The following UGT8 variants were observed in gnomAD, a reference collection of about 807,000 sequenced individuals.
UGT8 encodes UDP glycosyltransferase 8, also known as 2-hydroxyacylsphingosine 1-beta-galactosyltransferase.
In UGT8, 12 loss-of-function variants were observed where a neutral mutation model predicts 40.5. The observed-to-expected ratio is 0.30, with a 90% CI of 0.19 to 0.48. UGT8 has a LOEUF of 0.48. Ranked by LOEUF, UGT8 falls within the 20% of genes least tolerant of loss-of-function variation. The pLI is 0.99. For synonymous variants in UGT8, 224 were observed against 240.4 expected (o/e 0.93, Z 0.63); for missense variants, 513 against 648.7 (o/e 0.79, Z 2.27).
chr4:114,674,453 A>G (rs1163633746), intron 5 of UGT8, among the ~76,000 whole-genome samples: 3 of 151,968 alleles, frequency 2.0e-5, no homozygotes, highest in Non-Finnish European at 4.4e-5. Flanking sequence ...CCATTTTTTT[A>G]GTCAGTCTCT....
intron 1 of UGT8, among the ~76,000 whole-genome samples, chr4:114,603,924 T>C (rs957060249): frequency 6.6e-6 from 1 of 152,202 alleles, no homozygotes; most frequent in Non-Finnish European, 1.5e-5. Flanking sequence ...CAGAGAGTGA[T>C]TGAAAATATA....
chr4:114,670,681 A>G (rs1735208241), intron 5 of UGT8, among the ~76,000 whole-genome samples: 1 of 152,162 alleles, frequency 6.6e-6, no homozygotes, highest in South Asian at 2.1e-4. Flanking sequence ...AATAAGAGGT[A>G]TTTATGACAA....
intron 2 of UGT8, among the ~76,000 whole-genome samples, chr4:114,626,756 G>A (rs1328596119): frequency 2.0e-5 from 3 of 152,132 alleles, no homozygotes; most frequent in African/African-American, 7.2e-5. Context: ...TGCATCTCTT[G>A]TCACTAATTT....
In UGT8 at chr4:114,615,411, T is replaced by C. The variant is rs144595588; in HGVS notation, c.-2-7468T>C. 4.1e-3 allele frequency among the ~76,000 whole-genome samples: 630 copies of C among 152,310 alleles called. 7 individuals carry two copies. The highest frequency in any genetic ancestry group is 0.015 in the African/African-American group (608 of 41,564). On this transcript the variant is annotated intron_variant, in intron 1 of 5. Coordinates refer to ENST00000310836, the MANE Select transcript of UGT8 (RefSeq NM_001128174.3). ...CAGCTCGTCCCCGTGTGCCCAAGAC[T>C]TTCCTAGTTTTAGCACTGAAAATCC... is the stretch of plus-strand genomic sequence containing the variant.
chr4:114,664,701 A>G (rs1734744805), intron 3 of UGT8, among the ~76,000 whole-genome samples: 1 of 152,342 alleles, frequency 6.6e-6, no homozygotes, highest in East Asian at 1.9e-4. Context: ...TTTGGAAGGC[A>G]TTGCCAGCAC....
At chr4:114,634,738 A>G (rs977436812) in intron 2 of UGT8, among the ~76,000 whole-genome samples, 3 of 152,246 alleles carry the variant, frequency 2.0e-5, no homozygotes, top group African/African-American at 7.2e-5. Flanking sequence ...AACCAGGTGA[A>G]TATCTAGTCC....
At chr4:114,621,590 G>C (rs768334585) in intron 1 of UGT8, among the ~76,000 whole-genome samples, 1 of 152,080 alleles carries the variant, frequency 6.6e-6, no homozygotes, top group South Asian at 2.1e-4. Flanking sequence ...TAAGAGACAC[G>C]TGCTGATATA....
chr4:114,603,978 A>G (rs80040475), intron 1 of UGT8, among the ~76,000 whole-genome samples: 277 of 152,302 alleles, frequency 1.8e-3, no homozygotes, highest in Non-Finnish European at 3.4e-3. Context: ...TTTTTTGGTT[A>G]GAGGCCAGTA....
At chr4:114,655,426 A>AGGT (rs1560699869) in intron 2 of UGT8, among the ~76,000 whole-genome samples, 1 of 152,094 alleles carries the variant, frequency 6.6e-6, no homozygotes, top group East Asian at 1.9e-4. Flanking sequence ...GGCTTATTCT[A>AGGT]GGTGGTGGTG....
chr4:114,670,933 A>G (rs898733267), intron 5 of UGT8, among the ~76,000 whole-genome samples: 2 of 152,122 alleles, frequency 1.3e-5, no homozygotes, highest in Admixed American at 1.3e-4. Context: ...CTCAGCCCCA[A>G]AATTGAACTG....
chr4:114,625,008 A>T (rs1413091507), intron 2 of UGT8, among the ~76,000 whole-genome samples: 2 of 152,130 alleles, frequency 1.3e-5, no homozygotes, highest in Non-Finnish European at 2.9e-5. Flanking sequence ...AAGGTAGCTA[A>T]AATCAGATTT....
intron 1 of UGT8, among the ~76,000 whole-genome samples, chr4:114,614,179 T>G (rs1268869932): frequency 6.6e-6 from 1 of 152,174 alleles, no homozygotes; most frequent in Non-Finnish European, 1.5e-5. Flanking sequence ...CAGATACTTG[T>G]GTTGAAGAAG....
At chr4:114,615,047 A>T (rs1731321239) in intron 1 of UGT8, among the ~76,000 whole-genome samples, 1 of 152,198 alleles carries the variant, frequency 6.6e-6, no homozygotes, top group African/African-American at 2.4e-5. Flanking sequence ...TGAAAGATAC[A>T]TGTTTAAAAC....
intron 2 of UGT8, among the ~76,000 whole-genome samples, chr4:114,663,140 T>A (rs1278321484): frequency 2.0e-5 from 3 of 152,124 alleles, no homozygotes; most frequent in Admixed American, 2.0e-4. Flanking sequence ...TACTTCTTAT[T>A]GTGCAGTACT....
chr4:114,622,616 T>G (rs1003487070), intron 1 of UGT8: 3 of 317,334 alleles, frequency 9.5e-6, no homozygotes, highest in Non-Finnish European at 1.2e-5. Flanking sequence ...CCTGACTTTT[T>G]AATGATTGCC....
At chr4:114,667,699 A>G (rs1734975812) in intron 4 of UGT8, 1 of 200,314 alleles carries the variant, frequency 5.0e-6, no homozygotes, top group South Asian at 1.8e-4. Context: ...TTTGACTTTA[A>G]TATTGATAAA....
intron 2 of UGT8, among the ~76,000 whole-genome samples, chr4:114,624,656 AGATTT>A (rs1384521196): frequency 6.6e-6 from 1 of 152,214 alleles, no homozygotes; most frequent in East Asian, 1.9e-4. Context: ...GAGTAAATCC[AGATTT>A]TCTCGTATAG....
intron 1 of UGT8, chr4:114,622,421 G>C (rs1731868131): frequency 6.5e-6 from 1 of 154,732 alleles, no homozygotes; most frequent in South Asian, 2.0e-4. Context: ...ACATACGTGT[G>C]CATGTGTCTT....
chr4:114,676,558 G>A lies in UGT8; in HGVS notation c.*270G>A, dbSNP rs1305663115. On this transcript the variant is annotated 3_prime_UTR_variant, in exon 6 of 6. Coordinates refer to ENST00000310836, the MANE Select transcript of UGT8 (RefSeq NM_001128174.3). ...TTATTTAAATCAATTCAGTGACTGT[G>A]TCAGACCTTAGTTTTAAATCTTGAT... 1.2e-5 allele frequency: 4 copies of A among 326,802 alleles called. No individual in the cohort carries two copies. Among genetic ancestry groups the A allele is most frequent in the Non-Finnish European group, 1.7e-5 (3 of 178,970 alleles). The allele number at this position is 326,802 out of a possible 1,614,324, so 20.2% of individuals were successfully genotyped here.
Sources: gnomAD v4.1 joint callset for allele counts (sites outside exome capture counted in the v4.1 genomes callset) on GRCh38, gnomAD v4.1.1 for gene constraint, MANE v1.5 for transcripts, NCBI Gene and HGNC (gene_info 2026-07-23, HGNC 2026-07-21) for gene names.